AADACL4: variants seen among roughly 807,000 people sequenced by gnomAD.
AADACL4 encodes arylacetamide deacetylase-like 4.
AADACL4 carries 9 observed loss-of-function variants against 14.1 expected under a neutral mutation model. The ratio of observed to expected loss-of-function variants is 0.64; its 90% CI spans 0.39 to 1.12. AADACL4 has a LOEUF of 1.12. AADACL4 is among the 50% of genes most tolerant of loss of function. AADACL4 has a pLI of 0.01. For missense variants in AADACL4, 531 were observed against 516.1 expected (o/e 1.03, Z -0.28); for synonymous variants, 188 against 201.6 (o/e 0.93, Z 0.57).
chr1:12,665,052 C>T (rs1647290322), intron 3 of AADACL4, among the ~76,000 whole-genome samples: 1 of 151,986 alleles, frequency 6.6e-6, no homozygotes, highest in Non-Finnish European at 1.5e-5. Flanking sequence ...CAGAACACTC[C>T]CTGCCCCTCT....
At position 12,645,681 on chromosome 1, in the gene AADACL4, C is replaced by A. The variant is rs995252509; in HGVS notation, c.168+967C>A. On this transcript the variant is annotated intron_variant, in intron 1 of 3. Coordinates refer to ENST00000376221, the MANE Select transcript of AADACL4 (RefSeq NM_001013630.2). ...ATCTCAGCCTCCCAAGTAGCTGGGACTACAGGTGCGCACCACCATGCCCGG... is the reference window on the plus strand; with the variant it reads ...ATCTCAGCCTCCCAAGTAGCTGGGAATACAGGTGCGCACCACCATGCCCGG... Among the ~76,000 whole-genome samples the A allele has an allele frequency of 4.6e-5, 7 of 152,122 alleles. No individual in the cohort carries two copies. In the South Asian group the frequency reaches 8.3e-4, roughly 18 times the overall value.
intron 2 of AADACL4, among the ~76,000 whole-genome samples, chr1:12,659,076 T>C (rs1369768256): frequency 6.6e-6 from 1 of 152,198 alleles, no homozygotes; most frequent in East Asian, 1.9e-4. Flanking sequence ...GACCGACGCA[T>C]GGACACATAC....
chr1:12,647,009 C>G (rs924706082), intron 1 of AADACL4, among the ~76,000 whole-genome samples: 1 of 152,130 alleles, frequency 6.6e-6, no homozygotes, highest in African/African-American at 2.4e-5. Flanking sequence ...ATCAGACCAC[C>G]CTCTGAGCCC....
chr1:12,665,742 AG>A (rs1451087275), intron 3 of AADACL4, among the ~76,000 whole-genome samples: 1 of 152,200 alleles, frequency 6.6e-6, no homozygotes, highest in African/African-American at 2.4e-5. Context: ...GGAAGCTGAC[AG>A]AGCACAGGTT....
rs777941473 is a variant in AADACL4, at chr1:12,651,108, T to G, written c.169-15T>G. On this transcript the variant is annotated splice_polypyrimidine_tract_variant and intron_variant, in intron 1 of 3. Coordinates refer to ENST00000376221, the MANE Select transcript of AADACL4 (RefSeq NM_001013630.2). ...CCTCTCCTAACGTCTGGCTTTCTTT[T>G]GTTACCTCCAACAGGGGAATATATT... 3.1e-6 allele frequency: 5 copies of G among 1,611,816 alleles called. No individual in the cohort carries two copies. The highest frequency in any genetic ancestry group is 4.5e-5 in the East Asian group (2 of 44,884).
intron 2 of AADACL4, among the ~76,000 whole-genome samples, chr1:12,654,629 G>A (rs1007194994): frequency 3.3e-5 from 5 of 152,176 alleles, no homozygotes; most frequent in Non-Finnish European, 5.9e-5. Context: ...AGTCAGGCTG[G>A]TGGGAAAAAT....
rs774488359 is a variant in AADACL4 at position 12,665,970 on chromosome 1, G to T, written c.459G>T (p.Lys153Asn). Reference protein sequence around the residue: ...ESVLLMIGYRKLPDHHSPALF... With the variant: ...ESVLLMIGYRNLPDHHSPALF... ...CCTGTTTTCGTTTTAGGTACCGCAAGCTTCCTGACCACCATTCCCCTGCCC... is the reference window on the plus strand; with the variant it reads ...CCTGTTTTCGTTTTAGGTACCGCAATCTTCCTGACCACCATTCCCCTGCCC... The change falls in exon 4 of 4, where the codon AAG becomes AAT. Residue 153 changes from lysine to asparagine, a missense_variant. Coordinates refer to ENST00000376221, the MANE Select transcript of AADACL4 (RefSeq NM_001013630.2). 2 of 1,604,580 alleles carry T rather than the reference G, an allele frequency of 1.2e-6. No individual in the cohort carries two copies. The highest frequency in any genetic ancestry group is 1.7e-6 in the Non-Finnish European group (2 of 1,173,442).
At chr1:12,653,916 T>C (rs1647165416) in intron 2 of AADACL4, among the ~76,000 whole-genome samples, 1 of 152,180 alleles carries the variant, frequency 6.6e-6, no homozygotes, top group South Asian at 2.1e-4. Flanking sequence ...ACAAGGATAA[T>C]ATCCACGTAT....
chr1:12,664,825 T>C (rs927402536), intron 3 of AADACL4, among the ~76,000 whole-genome samples: 2 of 152,250 alleles, frequency 1.3e-5, no homozygotes, highest in Admixed American at 6.5e-5. Context: ...TCTCAATTTA[T>C]GCATTAATTA....
chr1:12,666,543 T>C lies in AADACL4; in HGVS notation c.1032T>C (p.Cys344=). ...AQLPEAFLVS[C]ENDILRDDSL... ...TTCCTGAGGCCTTCCTGGTGAGCTG[T>C]GAGAATGACATACTCCGTGATGACA... Residue 344 remains cysteine, a synonymous_variant, in exon 4 of 4, where the codon TGT becomes TGC. Transcript: ENST00000376221. The C allele has an allele frequency of 6.2e-7, 1 of 1,614,168 alleles. No individual in the cohort carries two copies. Among genetic ancestry groups the C allele is most frequent in the Non-Finnish European group, 8.5e-7 (1 of 1,180,016 alleles).
rs1647353948 is a variant in AADACL4 at position 12,666,868 on chromosome 1, G to A, written c.*133G>A. The A allele has an allele frequency of 7.5e-6, 7 of 934,634 alleles. No individual in the cohort carries two copies. In the East Asian group the frequency reaches 1.5e-4, roughly 20 times the overall value. 57.9% of individuals were successfully genotyped at this position (934,634 alleles called of 1,614,324 possible). ...TTGGGGCAGCTGGGAAGGGTGAGAA[G>A]TAAGCTAACAGTCTTGCTTAGTATT... On this transcript the variant is annotated 3_prime_UTR_variant, in exon 4 of 4. Coordinates refer to ENST00000376221, the MANE Select transcript of AADACL4 (RefSeq NM_001013630.2).
rs780795840 is a variant in AADACL4, at chr1:12,644,569, T to A, written c.23T>A (p.Leu8Gln). 1.2e-6 allele frequency: 2 copies of A among 1,614,132 alleles called. No individual in the cohort carries two copies. MAVPWLV[L>Q]LLALPIFFLG... is the part of the protein sequence containing the mutation. ...AACATGGCTGTCCCCTGGCTAGTGC[T>A]ACTCTTGGCATTGCCCATCTTTTTC... The change falls in exon 1 of 4, where the codon CTA (leucine) becomes CAA (glutamine). Residue 8 changes from leucine (L) to glutamine (Q), a missense_variant. By Grantham distance (113) the Leu-to-Gln change is moderately radical. Coordinates refer to ENST00000376221, the MANE Select transcript of AADACL4 (RefSeq NM_001013630.2).
chr1:12,651,229 T>C lies in AADACL4; in HGVS notation c.275T>C (p.Leu92Pro), dbSNP rs775999994. 1 of 1,614,236 alleles carries C rather than the reference T, an allele frequency of 6.2e-7. No individual in the cohort carries two copies. Among genetic ancestry groups the C allele is most frequent in the Admixed American group, 1.7e-5 (1 of 60,024 alleles). ...KKDPELVVTD[L>P]RFGTIPVRLF... ...GACCCTGAACTTGTGGTGACCGACC[T>C]GCGTTTTGGGACGATACCCGTGAGG... Residue 92 changes from leucine (L) to proline (P), a missense_variant, in exon 2 of 4, where the codon CTG becomes CCG. Transcript: ENST00000376221.
chr1:12,649,422 G>A (rs963201270), intron 1 of AADACL4, among the ~76,000 whole-genome samples: 1 of 152,190 alleles, frequency 6.6e-6, no homozygotes, highest in African/African-American at 2.4e-5. Flanking sequence ...GACTTAGGGA[G>A]CTCACAGCCG....
chr1:12,664,262 C>A (rs1647276474), intron 3 of AADACL4, among the ~76,000 whole-genome samples: 1 of 152,164 alleles, frequency 6.6e-6, no homozygotes, highest in Non-Finnish European at 1.5e-5. Flanking sequence ...AAGTTGAAAG[C>A]CACTAGTCTA....
chr1:12,659,910 C>T (rs1647213549), intron 2 of AADACL4, among the ~76,000 whole-genome samples: 1 of 152,192 alleles, frequency 6.6e-6, no homozygotes, highest in African/African-American at 2.4e-5. Flanking sequence ...CCTCAACCTC[C>T]TGGGCTCAGG....
intron 1 of AADACL4, among the ~76,000 whole-genome samples, chr1:12,649,248 C>T (rs1647130368): frequency 6.6e-6 from 1 of 152,158 alleles, no homozygotes; most frequent in Admixed American, 6.5e-5. Flanking sequence ...ACTCTTGAGC[C>T]TGGATATGAA....
intron 3 of AADACL4, 61 bp downstream of exon 3, chr1:12,661,915 T>C (rs1647235225): frequency 6.4e-7 from 1 of 1,552,874 alleles, no homozygotes; most frequent in Non-Finnish European, 8.9e-7. Context: ...GGTAAGTTCA[T>C]GGGTGATTTG....
chr1:12,655,075 G>C (rs1229532073), intron 2 of AADACL4, among the ~76,000 whole-genome samples: 1 of 151,966 alleles, frequency 6.6e-6, no homozygotes, highest in African/African-American at 2.4e-5. Flanking sequence ...GTTGGGTCAG[G>C]GTCTCGCACA....
Sources: gnomAD v4.1 joint callset for allele counts (sites outside exome capture counted in the v4.1 genomes callset) on GRCh38, gnomAD v4.1.1 for gene constraint, MANE v1.5 for transcripts, NCBI Gene and HGNC (gene_info 2026-07-23, HGNC 2026-07-21) for gene names.